Variants in GTF2F2 observed in about 807,000 individuals in gnomAD.
GTF2F2 encodes the protein general transcription factor IIF subunit 2.
A neutral mutation model predicts 42.2 loss-of-function variants in GTF2F2; 23 were observed. The observed-to-expected ratio is 0.55, with a 90% CI of 0.39 to 0.77. The LOEUF (loss-of-function observed/expected upper bound fraction) is 0.77, where lower values mean the gene tolerates loss of function less well. Ranked by LOEUF, GTF2F2 falls within the 30% of genes least tolerant of loss-of-function variation. The pLI is 0.00. For synonymous variants in GTF2F2, 105 were observed against 100.8 expected, an observed-to-expected ratio of 1.04 and a Z score of -0.25; for missense variants, 261 against 287.2, an observed-to-expected ratio of 0.91 and a Z score of 0.66.
intron 4 of GTF2F2, among the ~76,000 whole-genome samples, chr13:45,153,212 G>T (rs1242578503): frequency 6.6e-6 from 1 of 151,388 alleles, no homozygotes; most frequent in Non-Finnish European, 1.5e-5. Context: ...TAGAGACGGG[G>T]TTTCACCGTG....
intron 5 of GTF2F2, among the ~76,000 whole-genome samples, chr13:45,221,102 G>T (rs535523503): frequency 6.6e-6 from 1 of 151,970 alleles, no homozygotes; most frequent in Non-Finnish European, 1.5e-5. Context: ...TGTCTCCTTC[G>T]TGTTTTAACT....
intron 4 of GTF2F2, among the ~76,000 whole-genome samples, chr13:45,161,182 G>A (rs1225756161): frequency 6.6e-6 from 1 of 152,104 alleles, no homozygotes; most frequent in East Asian, 1.9e-4. Context: ...TACAGTTTTG[G>A]TACCATTTGG....
At chr13:45,282,549 G>T (rs2138282482) in intron 7 of GTF2F2, among the ~76,000 whole-genome samples, 1 of 152,300 alleles carries the variant, frequency 6.6e-6, no homozygotes, top group African/African-American at 2.4e-5. Context: ...TTGTTGCCCA[G>T]GCTAGAGTGC....
At chr13:45,262,483 A>T (rs1876381917) in intron 6 of GTF2F2, among the ~76,000 whole-genome samples, 1 of 152,178 alleles carries the variant, frequency 6.6e-6, no homozygotes, top group South Asian at 2.1e-4. Context: ...GTTGGAGTGC[A>T]TTGGTGCATT....
intron 5 of GTF2F2, among the ~76,000 whole-genome samples, chr13:45,221,733 TTAAAA>T (rs1555269833): frequency 6.6e-6 from 1 of 151,614 alleles, no homozygotes; most frequent in Non-Finnish European, 1.5e-5. Flanking sequence ...CTTATTGCAG[TTAAAA>T]TAAAATGTAC....
At chr13:45,212,455 C>CTTTCTTTTCTTTTCTTT (rs71184403) in intron 5 of GTF2F2, among the ~76,000 whole-genome samples, 1 of 96,594 alleles carries the variant, frequency 1.0e-5, no homozygotes, top group African/African-American at 4.5e-5. Context: ...TTGTTTCTTT[C>CTTTCTTTTCTTTTCTTT]TTTCTTTCTT....
chr13:45,125,611 T>G (rs999149367), intron 1 of GTF2F2, among the ~76,000 whole-genome samples: 2 of 152,178 alleles, frequency 1.3e-5, no homozygotes, highest in African/African-American at 4.8e-5. Context: ...TGTGAGCCAC[T>G]GTGCCCAGCC....
At chr13:45,191,224 A>AAAAAAAAAAAAAATAT in intron 4 of GTF2F2, among the ~76,000 whole-genome samples, 1 of 75,344 alleles carries the variant, frequency 1.3e-5, no homozygotes, top group African/African-American at 1.0e-4. Context: ...ACAAAAAAAA[A>AAAAAAAAAAAAAATAT]ATATATATAT....
intron 6 of GTF2F2, among the ~76,000 whole-genome samples, chr13:45,258,945 C>A (rs922582742): frequency 6.6e-6 from 1 of 152,176 alleles, no homozygotes; most frequent in Non-Finnish European, 1.5e-5. Flanking sequence ...TCTGTGTGTT[C>A]TGGTTGACTT....
At chr13:45,130,771 A>G (rs1869303507) in intron 1 of GTF2F2, among the ~76,000 whole-genome samples, 1 of 152,200 alleles carries the variant, frequency 6.6e-6, no homozygotes, top group South Asian at 2.1e-4. Context: ...TTTATGAGGG[A>G]GAAATTAGTT....
At chr13:45,271,164 C>T (rs1384598324) in intron 7 of GTF2F2, among the ~76,000 whole-genome samples, 3 of 151,924 alleles carry the variant, frequency 2.0e-5, no homozygotes, top group Non-Finnish European at 4.4e-5. Flanking sequence ...TGGTGGCCAG[C>T]CCCTGTAGTC....
chr13:45,154,380 G>C (rs568694283), intron 4 of GTF2F2, among the ~76,000 whole-genome samples: 4 of 152,048 alleles, frequency 2.6e-5, no homozygotes, highest in African/African-American at 7.2e-5. Flanking sequence ...TGAACATTTC[G>C]TGTTCACGTT....
chr13:45,183,833 G>T (rs1872279963), intron 4 of GTF2F2, among the ~76,000 whole-genome samples: 1 of 151,954 alleles, frequency 6.6e-6, no homozygotes, highest in Non-Finnish European at 1.5e-5. Flanking sequence ...GGATCAGATT[G>T]TCTGCATTTA....
rs114784484 is a variant in GTF2F2, at chr13:45,234,215, A to G, written c.387-18656A>G. Among the ~76,000 whole-genome samples the G allele has an allele frequency of 5.7e-3, 874 of 152,324 alleles. 8 individuals are homozygous for G. The highest frequency in any genetic ancestry group is 0.02 in the African/African-American group (844 of 41,586). Reference sequence around the variant, plus strand: ...ATTTTTATACATTTGTTTTGGTCCTATAATAATAGTCATTCTGTGACTAAC... The same window carrying G: ...ATTTTTATACATTTGTTTTGGTCCTGTAATAATAGTCATTCTGTGACTAAC... On this transcript the variant is annotated intron_variant, in intron 5 of 7. Transcript: ENST00000340473.
chr13:45,267,204 C>A, intron 6 of GTF2F2, 29 bp from the exon 7 acceptor site: 1 of 1,579,334 alleles, frequency 6.3e-7, no homozygotes, highest in Non-Finnish European at 8.6e-7. Flanking sequence ...TGAATTGATG[C>A]TTTTATTTCC....
At chr13:45,122,431 C>A (rs1868697402) in intron 1 of GTF2F2, among the ~76,000 whole-genome samples, 1 of 151,798 alleles carries the variant, frequency 6.6e-6, no homozygotes. Flanking sequence ...GTCAAGAGTT[C>A]GAGACCAGCC....
intron 5 of GTF2F2, among the ~76,000 whole-genome samples, chr13:45,224,757 T>G (rs1472917497): frequency 6.6e-6 from 1 of 152,242 alleles, no homozygotes; most frequent in Non-Finnish European, 1.5e-5. Flanking sequence ...AGCTGTTGAT[T>G]GCCAAAGCTT....
intron 1 of GTF2F2, among the ~76,000 whole-genome samples, chr13:45,135,268 A>C (rs989322721): frequency 2.0e-5 from 3 of 151,160 alleles, no homozygotes; most frequent in African/African-American, 4.9e-5. Flanking sequence ...CATAGTATCT[A>C]GTAGTTGTTC....
At chr13:45,167,691 G>A (rs1480697872) in intron 4 of GTF2F2, among the ~76,000 whole-genome samples, 1 of 152,058 alleles carries the variant, frequency 6.6e-6, no homozygotes, top group East Asian at 1.9e-4. Flanking sequence ...GAGCCACCGT[G>A]CCCGGCCCCC....
Sources: gnomAD v4.1 joint callset for allele counts (sites outside exome capture counted in the v4.1 genomes callset) on GRCh38, gnomAD v4.1.1 for gene constraint, MANE v1.5 for transcripts, NCBI Gene and HGNC (gene_info 2026-07-23, HGNC 2026-07-21) for gene names.